SH3GL2: variants seen among roughly 807,000 people sequenced by gnomAD.
SH3GL2 encodes endophilin-A1.
Under a neutral mutation model 46.0 loss-of-function variants are expected in SH3GL2, and 24 were observed. The ratio of observed to expected loss-of-function variants is 0.52; its 90% CI spans 0.38 to 0.73. SH3GL2 has a LOEUF of 0.73. SH3GL2 is among the 30% of genes least tolerant of loss of function. The pLI is 0.00. For synonymous variants in SH3GL2, 196 were observed against 147.1 expected, an observed-to-expected ratio of 1.33 and a Z score of -2.40; for missense variants, 413 against 424.2, an observed-to-expected ratio of 0.97 and a Z score of 0.23.
At chr9:17,637,478 C>T (rs753106279) in intron 1 of SH3GL2, among the ~76,000 whole-genome samples, 18 of 152,150 alleles carry the variant, frequency 1.2e-4, no homozygotes, top group Non-Finnish European at 2.6e-4. Context: ...GTCGGGAACT[C>T]CTATAGCTAG....
rs943498618 is a variant in SH3GL2 at position 17,796,810 on chromosome 9, C to G, written c.*1067C>G. 1 of 152,648 alleles carries G rather than the reference C, an allele frequency of 6.6e-6. No individual in the cohort carries two copies. The highest frequency in any genetic ancestry group is 1.5e-5 in the Non-Finnish European group (1 of 68,056). The allele number at this position is 152,648 out of a possible 1,614,324, so 9.5% of individuals were successfully genotyped here. On this transcript the variant is annotated 3_prime_UTR_variant, in exon 9 of 9. Coordinates refer to ENST00000380607, the MANE Select transcript of SH3GL2 (RefSeq NM_003026.5). ...AGTTTAAGGTATATGGCTGCATATG[C>G]AAAACTCTTTCCCAATTCAGTCGCT... is the stretch of plus-strand genomic sequence containing the variant.
chr9:17,728,484 A>T (rs1822082844), intron 1 of SH3GL2, among the ~76,000 whole-genome samples: 1 of 151,972 alleles, frequency 6.6e-6, no homozygotes, highest in South Asian at 2.1e-4. Flanking sequence ...GTATGTATTT[A>T]TTTTTATTAT....
chr9:17,759,776 C>G (rs1021609434), intron 2 of SH3GL2, among the ~76,000 whole-genome samples: 4 of 152,112 alleles, frequency 2.6e-5, no homozygotes, highest in African/African-American at 9.7e-5. Flanking sequence ...ATTCCTATGG[C>G]ACTCTTTTTT....
chr9:17,622,959 C>A (rs868868328), intron 1 of SH3GL2, among the ~76,000 whole-genome samples: 15 of 121,118 alleles, frequency 1.2e-4, no homozygotes, highest in Non-Finnish European at 1.8e-4. Flanking sequence ...TTCCCTTCCT[C>A]CCTCCCTTTT....
At chr9:17,694,531 C>T (rs1454765132) in intron 1 of SH3GL2, among the ~76,000 whole-genome samples, 1 of 152,144 alleles carries the variant, frequency 6.6e-6, no homozygotes, top group East Asian at 1.9e-4. Context: ...GATTGCCTGT[C>T]ATTTAGCTTT....
chr9:17,652,962 A>C (rs1269087526), intron 1 of SH3GL2, among the ~76,000 whole-genome samples: 1 of 151,828 alleles, frequency 6.6e-6, no homozygotes, highest in Non-Finnish European at 1.5e-5. Flanking sequence ...GTCCTTTATA[A>C]TGTTTTTGGC....
intron 1 of SH3GL2, among the ~76,000 whole-genome samples, chr9:17,662,059 C>G (rs528677149): frequency 2.1e-4 from 32 of 152,222 alleles, no homozygotes; most frequent in African/African-American, 7.5e-4. Flanking sequence ...AAAAATGACC[C>G]TTAACTGTCC....
chr9:17,615,979 C>CA (rs1180259133), intron 1 of SH3GL2, among the ~76,000 whole-genome samples: 2 of 152,090 alleles, frequency 1.3e-5, no homozygotes, highest in African/African-American at 4.8e-5. Flanking sequence ...TGCTCAATGG[C>CA]AGGACCCCAG....
At chr9:17,584,126 A>G (rs1240184041) in intron 1 of SH3GL2, among the ~76,000 whole-genome samples, 1 of 152,110 alleles carries the variant, frequency 6.6e-6, no homozygotes, top group East Asian at 1.9e-4. Flanking sequence ...TTATACATGC[A>G]TTTTTCTGAG....
intron 1 of SH3GL2, among the ~76,000 whole-genome samples, chr9:17,674,594 G>T (rs535128913): frequency 1.6e-4 from 25 of 152,196 alleles, no homozygotes; most frequent in Non-Finnish European, 2.8e-4. Flanking sequence ...TGATTTTGTT[G>T]GAAAATCATG....
intron 1 of SH3GL2, among the ~76,000 whole-genome samples, chr9:17,656,429 GA>G (rs1307530685): frequency 6.6e-6 from 1 of 151,738 alleles, no homozygotes; most frequent in African/African-American, 2.4e-5. Flanking sequence ...TTCCATAATT[GA>G]AAAAATATCC....
chr9:17,678,949 T>C (rs1416477966), intron 1 of SH3GL2, among the ~76,000 whole-genome samples: 2 of 152,112 alleles, frequency 1.3e-5, no homozygotes, highest in African/African-American at 4.8e-5. Flanking sequence ...TGTAGATGTG[T>C]GATATTATTT....
At chr9:17,749,297 GAC>G (rs1822780213) in intron 2 of SH3GL2, among the ~76,000 whole-genome samples, 1 of 152,170 alleles carries the variant, frequency 6.6e-6, no homozygotes, top group South Asian at 2.1e-4. Flanking sequence ...TCCAGGAACT[GAC>G]ACACATTTCC....
chr9:17,741,635 A>G (rs1238230621), intron 1 of SH3GL2, among the ~76,000 whole-genome samples: 1 of 152,200 alleles, frequency 6.6e-6, no homozygotes, highest in Non-Finnish European at 1.5e-5. Context: ...ACTTACATGC[A>G]ATTTTTGGTT....
chr9:17,590,522 G>A (rs900051642), intron 1 of SH3GL2: 9 of 152,036 alleles, frequency 5.9e-5, no homozygotes, highest in Admixed American at 5.2e-4. Context: ...CATCCATTAT[G>A]CTCTATGTAT....
At chr9:17,685,292 G>C (rs75389033) in intron 1 of SH3GL2, among the ~76,000 whole-genome samples, 4,351 of 152,180 alleles carry the variant, frequency 0.029, 194 homozygotes, top group African/African-American at 0.1. Context: ...CTGCATTCTT[G>C]AGGCAGTTTC....
chr9:17,677,518 C>T (rs926740504), intron 1 of SH3GL2, among the ~76,000 whole-genome samples: 2 of 152,034 alleles, frequency 1.3e-5, no homozygotes, highest in Admixed American at 6.6e-5. Flanking sequence ...TTATACAACT[C>T]ACACCAAATC....
intron 1 of SH3GL2, among the ~76,000 whole-genome samples, chr9:17,638,051 G>A (rs771439338): frequency 6.6e-6 from 1 of 151,992 alleles, no homozygotes; most frequent in Non-Finnish European, 1.5e-5. Flanking sequence ...CAGCTATTCG[G>A]GAGGCTGAGG....
intron 1 of SH3GL2, among the ~76,000 whole-genome samples, chr9:17,639,939 T>C (rs1242555006): frequency 2.0e-5 from 3 of 152,190 alleles, no homozygotes; most frequent in African/African-American, 7.2e-5. Flanking sequence ...AAACTAGTGA[T>C]ATAAAGCAGA....
Sources: allele counts gnomAD v4.1 joint callset (sites outside exome capture counted in the v4.1 genomes callset), GRCh38; gene constraint gnomAD v4.1.1; transcripts MANE v1.5; gene names NCBI Gene and HGNC (gene_info 2026-07-23, HGNC 2026-07-21).